TENM3: variants seen among roughly 807,000 people sequenced by gnomAD.
TENM3 encodes teneurin-3.
Under a neutral mutation model 255.1 loss-of-function variants are expected in TENM3, and 63 were observed. That is an observed-to-expected ratio of 0.25 (90% CI 0.20 to 0.30). The LOEUF is 0.30. Ranked by LOEUF, TENM3 falls within the 10% of genes least tolerant of loss-of-function variation. The pLI, the probability that TENM3 is intolerant of heterozygous loss-of-function variation, is 1.00. For missense variants in TENM3, 2,929 were observed against 3,461.1 expected, an observed-to-expected ratio of 0.85 and a Z score of 3.86; for synonymous variants, 1,306 against 1,322.3, an observed-to-expected ratio of 0.99 and a Z score of 0.27.
intron 3 of TENM3, among the ~76,000 whole-genome samples, chr4:182,503,212 G>A (rs533900716): frequency 2.6e-5 from 4 of 152,056 alleles, no homozygotes; most frequent in East Asian, 1.9e-4. Flanking sequence ...GTGTATACAT[G>A]TGGCTGCTGG....
chr4:181,886,623 C>T, the TENM3 span, among the ~76,000 whole-genome samples: 1 of 152,098 alleles, frequency 6.6e-6, no homozygotes, highest in African/African-American at 2.4e-5. Context: ...TTTACATATG[C>T]ACATGCACTT....
At chr4:181,864,696 G>A in the TENM3 span, among the ~76,000 whole-genome samples, 1 of 152,118 alleles carries the variant, frequency 6.6e-6, no homozygotes, top group African/African-American at 2.4e-5. Context: ...AAGCTGATGG[G>A]TTAAACCGCC....
At chr4:182,051,466 C>T in the TENM3 span, among the ~76,000 whole-genome samples, 2 of 150,778 alleles carry the variant, frequency 1.3e-5, no homozygotes, top group Non-Finnish European at 2.9e-5. Flanking sequence ...CAACCTCCGC[C>T]TCCTGGGTTC....
chr4:181,814,587 CGTGT>C, the TENM3 span, among the ~76,000 whole-genome samples: 12 of 149,478 alleles, frequency 8.0e-5, no homozygotes, highest in East Asian at 7.9e-4. Context: ...TTTTTAAATG[CGTGT>C]GTGTGTGTGT....
chr4:181,480,618 T>G, the TENM3 span, among the ~76,000 whole-genome samples: 1 of 151,870 alleles, frequency 6.6e-6, no homozygotes, highest in South Asian at 2.1e-4. Context: ...AAGTCCCCAC[T>G]TTTTGGTATA....
At chr4:182,169,074 TACACAC>T (rs55885166) in intron 1 of TENM3, among the ~76,000 whole-genome samples, 3 of 137,750 alleles carry the variant, frequency 2.2e-5, no homozygotes, top group Non-Finnish European at 4.8e-5. Context: ...AATCATGCCA[TACACAC>T]ACACACACAC....
the TENM3 span, among the ~76,000 whole-genome samples, chr4:182,059,487 A>C: frequency 6.6e-6 from 1 of 152,176 alleles, no homozygotes; most frequent in South Asian, 2.1e-4. Context: ...TTACATAAAA[A>C]AAGGAACAAA....
At chr4:182,553,284 G>A (rs567850985) in intron 3 of TENM3, among the ~76,000 whole-genome samples, 5 of 149,692 alleles carry the variant, frequency 3.3e-5, no homozygotes, top group East Asian at 2.0e-4. Flanking sequence ...TTCATAAATC[G>A]TTTAGAAAAT....
chr4:182,746,795 A>G (rs989429932), intron 19 of TENM3, among the ~76,000 whole-genome samples: 7 of 152,172 alleles, frequency 4.6e-5, no homozygotes, highest in Non-Finnish European at 1.0e-4. Flanking sequence ...AATGGAGAGT[A>G]TTTGTCTAAG....
intron 3 of TENM3, among the ~76,000 whole-genome samples, chr4:182,463,170 A>G (rs761506817): frequency 2.6e-5 from 4 of 152,150 alleles, no homozygotes; most frequent in African/African-American, 4.8e-5. Context: ...AAATAGAAAA[A>G]TGAAAATTTT....
intron 3 of TENM3, among the ~76,000 whole-genome samples, chr4:182,538,089 G>T (rs950885568): frequency 6.6e-6 from 1 of 152,150 alleles, no homozygotes; most frequent in African/African-American, 2.4e-5. Flanking sequence ...ACATTAATTA[G>T]TCTAATATAA....
chr4:182,379,029 C>A (rs1767385573), intron 3 of TENM3, among the ~76,000 whole-genome samples: 1 of 152,116 alleles, frequency 6.6e-6, no homozygotes, highest in Non-Finnish European at 1.5e-5. Flanking sequence ...GATCGAGCAT[C>A]GGATTTGGAC....
At chr4:182,411,497 CA>C (rs1769982702) in intron 3 of TENM3, among the ~76,000 whole-genome samples, 1 of 152,126 alleles carries the variant, frequency 6.6e-6, no homozygotes, top group South Asian at 2.1e-4. Flanking sequence ...GCAAAAGAAA[CA>C]GCTAAAATGC....
chr4:181,664,872 A>C, the TENM3 span, among the ~76,000 whole-genome samples: 1 of 152,014 alleles, frequency 6.6e-6, no homozygotes, highest in South Asian at 2.1e-4. Flanking sequence ...CTTTACCCCC[A>C]TGCTCCTTGT....
At chr4:181,840,177 G>T in the TENM3 span, among the ~76,000 whole-genome samples, 2 of 151,920 alleles carry the variant, frequency 1.3e-5, no homozygotes, top group African/African-American at 4.8e-5. Flanking sequence ...CTAAACTACA[G>T]TTCAACTTAT....
rs57286170 is a variant in TENM3 at position 182,424,902 on chromosome 4, A to G, written c.511+77973A>G. 2.0e-5 allele frequency among the ~76,000 whole-genome samples: 3 copies of G among 152,316 alleles called. No individual in the cohort carries two copies. The East Asian group carries it at 5.8e-4, about 29-fold the overall frequency. On this transcript the variant is annotated intron_variant, in intron 3 of 27. Transcript: ENST00000511685. The stretch of plus-strand genomic sequence containing the variant: ...AAATCTTAAAATTATATTTAACCTC[A>G]CTAGATAAGCCCCAATTGAGTATAG...
chr4:182,240,766 C>T (rs1286039347), upstream of TENM3, among the ~76,000 whole-genome samples: 4 of 152,128 alleles, frequency 2.6e-5, no homozygotes, highest in Non-Finnish European at 4.4e-5. Flanking sequence ...CCCAGAGAGC[C>T]TGGAGCAGGG....
intron 1 of TENM3, among the ~76,000 whole-genome samples, chr4:182,194,533 T>C (rs1753719703): frequency 6.6e-6 from 1 of 152,214 alleles, no homozygotes; most frequent in African/African-American, 2.4e-5. Flanking sequence ...CGCCTCAATA[T>C]GCACTCCTTG....
chr4:182,205,485 T>A (rs1340588287), intron 1 of TENM3, among the ~76,000 whole-genome samples: 1 of 152,174 alleles, frequency 6.6e-6, no homozygotes, highest in Non-Finnish European at 1.5e-5. Context: ...TGGCTCTTGA[T>A]TCACCACTAA....
Sources: gnomAD v4.1 joint callset for allele counts (sites outside exome capture counted in the v4.1 genomes callset) on GRCh38, gnomAD v4.1.1 for gene constraint, MANE v1.5 for transcripts, NCBI Gene and HGNC (gene_info 2026-07-23, HGNC 2026-07-21) for gene names.